Variants in PLCXD1 observed in about 807,000 individuals in gnomAD.
PLCXD1 encodes phosphatidylinositol specific phospholipase C X domain containing 1.
In PLCXD1, 45 loss-of-function variants were observed where a neutral mutation model predicts 37.8. The observed-to-expected ratio is 1.19, with a 90% CI of 0.94 to 1.53. The LOEUF (loss-of-function observed/expected upper bound fraction) is 1.53, where lower values mean the gene tolerates loss of function less well. PLCXD1 is among the 40% of genes most tolerant of loss of function. The probability of loss-of-function intolerance (pLI) is 0.00; values close to 1 mark genes in which losing one functional copy is unlikely to be tolerated. For missense variants in PLCXD1, 539 were observed against 454.7 expected, an observed-to-expected ratio of 1.19 and a Z score of -1.69; for synonymous variants, 246 against 206.9, an observed-to-expected ratio of 1.19 and a Z score of -1.62.
chrX:298,811 G>A (rs1344878602), intron 6 of PLCXD1, among the ~76,000 whole-genome samples: 1 of 138,850 alleles, frequency 7.2e-6, no homozygotes, highest in Non-Finnish European at 1.6e-5. Context: ...GGATTAGGAC[G>A]TGGACATCTT....
At position 291,503 on chromosome X, in the gene PLCXD1, C is replaced by G; in HGVS notation, c.398C>G (p.Thr133Arg). The change falls in exon 5 of 7, where the codon ACA (threonine) becomes AGA (arginine). Residue 133 changes from threonine to arginine, a missense_variant. By Grantham distance (71) the Thr-to-Arg change is moderately conservative. Coordinates refer to ENST00000381657, the MANE Select transcript of PLCXD1 (RefSeq NM_018390.4). ...MVYTTALVED[T>R]LTEISEWLER... ...GCCCAGCACCCCCCTCCCCAGGACA[C>G]ACTCACGGAAATCTCGGAGTGGCTG... 1 of 1,612,532 alleles carries G rather than the reference C, an allele frequency of 6.2e-7. No homozygotes were observed. Among genetic ancestry groups the G allele is most frequent in the South Asian group, 1.1e-5 (1 of 90,996 alleles).
intron 2 of PLCXD1, among the ~76,000 whole-genome samples, chrX:287,214 AACAT>A (rs2069472777): frequency 6.8e-6 from 1 of 146,882 alleles, no homozygotes; most frequent in Non-Finnish European, 1.5e-5. Flanking sequence ...TTTATATATA[AACAT>A]ACATATTTAT....
chrX:295,927 G>A lies in PLCXD1; in HGVS notation c.733+2709G>A, dbSNP rs143290226. 9.9e-3 allele frequency among the ~76,000 whole-genome samples: 1,488 copies of A among 150,408 alleles called. 25 individuals are homozygous for A. Among genetic ancestry groups the A allele is most frequent in the African/African-American group, 0.035 (1,420 of 40,886 alleles). Reference sequence around the variant, plus strand: ...GCAATCTTGGCTCACTGCAGCCTTCGCCTCCTGGGTTCGAGCAATTCTCCC... The same window carrying A: ...GCAATCTTGGCTCACTGCAGCCTTCACCTCCTGGGTTCGAGCAATTCTCCC... On this transcript the variant is annotated intron_variant, in intron 6 of 6. Coordinates refer to ENST00000381657, the MANE Select transcript of PLCXD1 (RefSeq NM_018390.4).
At chrX:296,054 T>C (rs2069796641) in intron 6 of PLCXD1, among the ~76,000 whole-genome samples, 2 of 152,104 alleles carry the variant, frequency 1.3e-5, no homozygotes, top group African/African-American at 4.8e-5. Context: ...TCAGGTGATC[T>C]GCCCGCCTTG....
chrX:293,381 C>T (rs190881526), intron 6 of PLCXD1, among the ~76,000 whole-genome samples, 163 bp downstream of exon 6: 241 of 152,254 alleles, frequency 1.6e-3, no homozygotes, highest in East Asian at 6.8e-3. Flanking sequence ...CCCAGCACTT[C>T]GGGAGGCCGA....
At chrX:286,410 C>CTG (rs2124335488) in intron 2 of PLCXD1, among the ~76,000 whole-genome samples, 1 of 152,246 alleles carries the variant, frequency 6.6e-6, no homozygotes, top group East Asian at 1.9e-4. Context: ...CAGTCTAGAG[C>CTG]TGACCTAGTA....
intron 1 of PLCXD1, among the ~76,000 whole-genome samples, chrX:282,672 TCCAG>T (rs1270425771): frequency 6.9e-6 from 1 of 145,468 alleles, no homozygotes; most frequent in Admixed American, 7.1e-5. Flanking sequence ...GCCATTGCAG[TCCAG>T]CCTGGGCAAC....
chrX:283,265 A>T (rs1220471710), intron 1 of PLCXD1: 1 of 150,000 alleles, frequency 6.7e-6, no homozygotes, highest in African/African-American at 2.4e-5. Context: ...CGTCTCAAAA[A>T]AAAAAAAACC....
intron 6 of PLCXD1, among the ~76,000 whole-genome samples, chrX:296,305 A>G (rs2069805859): frequency 1.3e-5 from 2 of 151,660 alleles, no homozygotes. Context: ...ATGTGTTTTT[A>G]CTAGAGAAAG....
upstream of PLCXD1, among the ~76,000 whole-genome samples, chrX:278,843 T>C (rs2069205334): frequency 6.6e-6 from 1 of 152,008 alleles, no homozygotes; most frequent in Admixed American, 6.6e-5. Flanking sequence ...GGAGGACATC[T>C]TGGTATTATG....
At chrX:278,593 C>G (rs187273293), upstream of PLCXD1, among the ~76,000 whole-genome samples, 476 of 151,880 alleles carry the variant, frequency 3.1e-3, 1 homozygote, top group Middle Eastern at 0.01. Flanking sequence ...ACAGAAATTA[C>G]CTGGGTGTGG....
At chrX:285,045 C>T (rs1051006834) in intron 2 of PLCXD1, among the ~76,000 whole-genome samples, 1 of 152,006 alleles carries the variant, frequency 6.6e-6, no homozygotes, top group African/African-American at 2.4e-5. Flanking sequence ...GGGACACAGC[C>T]GAGCCATATC....
In PLCXD1 at chrX:301,584, T is replaced by A. The variant is rs1017290560; in HGVS notation, c.*2249T>A. 4 of 151,942 alleles carry A rather than the reference T, an allele frequency of 2.6e-5. No individual in the cohort carries two copies. Among genetic ancestry groups the A allele is most frequent in the African/African-American group, 7.3e-5 (3 of 41,304 alleles). The allele number at this position is 151,942 out of a possible 1,614,324, so 9.4% of individuals were successfully genotyped here. On this transcript the variant is annotated 3_prime_UTR_variant, in exon 7 of 7. Transcript: ENST00000381657. ...TCAGCTTCCCAAGTAACTGGGAGTA[T>A]AGGTGTACACCACCATGCCCAGCTA... is the stretch of plus-strand genomic sequence containing the variant.
chrX:298,981 T>C lies in PLCXD1; in HGVS notation c.734-116T>C, dbSNP rs550476270. ...GCTCACCCAATTTCCTTGTTGGACA[T>C]GGTGCTTTCAACTCTTAATTCCTGA... On this transcript the variant is annotated intron_variant, in intron 6 of 6. Coordinates refer to ENST00000381657, the MANE Select transcript of PLCXD1 (RefSeq NM_018390.4). 1.2e-4 allele frequency: 93 copies of C among 802,346 alleles called. No individual in the cohort carries two copies. The South Asian group carries it at 1.4e-3, about 12-fold the overall frequency. 49.7% of individuals were successfully genotyped at this position (802,346 alleles called of 1,614,324 possible).
intron 2 of PLCXD1, among the ~76,000 whole-genome samples, chrX:288,424 C>T (rs2069524717): frequency 1.3e-5 from 2 of 152,228 alleles, no homozygotes; most frequent in Non-Finnish European, 2.9e-5. Flanking sequence ...GAGGCCTCCT[C>T]CTCTGTGTCT....
upstream of PLCXD1, among the ~76,000 whole-genome samples, chrX:280,136 CGT>C (rs1313024881): frequency 1.3e-5 from 2 of 152,300 alleles, no homozygotes; most frequent in Non-Finnish European, 2.9e-5. Context: ...GAATTACAGG[CGT>C]GAGCCAGCGG....
chrX:281,366 CTCCCTCCCTCCCTCCT>C (rs1401923352), exon 1 of PLCXD1: 2 of 30,096 alleles, frequency 6.6e-5, no homozygotes, highest in African/African-American at 1.4e-4. Context: ...CCCTCCCTCC[CTCCCTCCCTCCCTCCT>C]TCCGGGCAGC....
chrX:288,588 G>A (rs765870473), intron 2 of PLCXD1, 145 bp from the exon 3 acceptor site: 1 of 830,236 alleles, frequency 1.2e-6, no homozygotes, highest in Non-Finnish European at 2.0e-6. Flanking sequence ...GAGTTTTGGG[G>A]GTCAGCGTGC....
chrX:296,446 T>C lies in PLCXD1; in HGVS notation c.734-2651T>C, dbSNP rs142617836. Among the ~76,000 whole-genome samples, 42 of 152,310 alleles carry C rather than the reference T, an allele frequency of 2.8e-4. No homozygotes were observed. The East Asian group carries it at 7.9e-3, about 29-fold the overall frequency. ...CCTAGAAATACGTGTTAAAAACCACTGAGAGAACTTGGCCATAAACGTCTG... is the reference window on the plus strand; with the variant it reads ...CCTAGAAATACGTGTTAAAAACCACCGAGAGAACTTGGCCATAAACGTCTG... On this transcript the variant is annotated intron_variant, in intron 6 of 6. Coordinates refer to ENST00000381657, the MANE Select transcript of PLCXD1 (RefSeq NM_018390.4).
Sources: allele counts gnomAD v4.1 joint callset (sites outside exome capture counted in the v4.1 genomes callset), GRCh38; gene constraint gnomAD v4.1.1; transcripts MANE v1.5; gene names NCBI Gene and HGNC (gene_info 2026-07-23, HGNC 2026-07-21).